The following NCOA1 variants were observed in gnomAD, a reference collection of about 807,000 sequenced individuals.
NCOA1 encodes nuclear receptor coactivator 1, also known as Hin-2 protein.
NCOA1 carries 35 observed loss-of-function variants against 150.9 expected under a neutral mutation model. That is an observed-to-expected ratio of 0.23 (90% CI 0.18 to 0.31). The LOEUF (loss-of-function observed/expected upper bound fraction) is 0.31. NCOA1 is among the 10% of genes least tolerant of loss of function. The pLI, the probability that NCOA1 is intolerant of heterozygous loss-of-function variation, is 1.00. For missense variants in NCOA1, 1,491 were observed against 1,749.3 expected, an observed-to-expected ratio of 0.85 and a Z score of 2.63; for synonymous variants, 590 against 630.0, an observed-to-expected ratio of 0.94 and a Z score of 0.95.
chr2:24,699,884 C>T (rs1451013683), intron 11 of NCOA1, among the ~76,000 whole-genome samples: 1 of 152,192 alleles, frequency 6.6e-6, no homozygotes, highest in African/African-American at 2.4e-5. Context: ...GTGGCTCATG[C>T]CTGTAATCCC....
chr2:24,653,684 G>A lies in NCOA1; in HGVS notation c.-17-4977G>A, dbSNP rs552336496. 2.0e-5 allele frequency among the ~76,000 whole-genome samples: 3 copies of A among 152,190 alleles called. No homozygotes were observed. In the East Asian group the frequency reaches 5.8e-4, roughly 29 times the overall value. On this transcript the variant is annotated intron_variant, in intron 4 of 22. Transcript: ENST00000348332. ...AAATAATTGTAACTTATAGCACATTGTAATAAAAAAACATAGGCCCAGGAT... is the reference window on the plus strand; with the variant it reads ...AAATAATTGTAACTTATAGCACATTATAATAAAAAAACATAGGCCCAGGAT...
At chr2:24,747,164 A>AT (rs1663968596) in intron 19 of NCOA1, among the ~76,000 whole-genome samples, 1 of 152,136 alleles carries the variant, frequency 6.6e-6, no homozygotes, top group Non-Finnish European at 1.5e-5. Flanking sequence ...GTTCATTCCA[A>AT]TATGAACAGT....
intron 3 of NCOA1, among the ~76,000 whole-genome samples, chr2:24,621,158 G>A (rs1669134442): frequency 6.6e-6 from 1 of 151,994 alleles, no homozygotes; most frequent in Non-Finnish European, 1.5e-5. Flanking sequence ...GGGGTGGGGA[G>A]GAGTTCCCTT....
At chr2:24,704,729 T>C (rs1673328598) in intron 11 of NCOA1, among the ~76,000 whole-genome samples, 1 of 151,502 alleles carries the variant, frequency 6.6e-6, no homozygotes, top group African/African-American at 2.4e-5. Flanking sequence ...GCCGAGATCG[T>C]GCCACTGCAC....
chr2:24,688,509 T>C lies in NCOA1; in HGVS notation c.533-2972T>C, dbSNP rs555486173. On this transcript the variant is annotated intron_variant, in intron 8 of 22. Transcript: ENST00000348332. ...TGCATTTCTCTAATAATCAGTGATA[T>C]TGAGCTTTTTTTCACATGCTTGTTG... 5.3e-5 allele frequency among the ~76,000 whole-genome samples: 8 copies of C among 152,322 alleles called. No individual in the cohort carries two copies. In the East Asian group the frequency reaches 1.4e-3, roughly 26 times the overall value.
At chr2:24,609,451 TAA>T (rs1206101318) in intron 3 of NCOA1, among the ~76,000 whole-genome samples, 1 of 152,192 alleles carries the variant, frequency 6.6e-6, no homozygotes, top group East Asian at 1.9e-4. Context: ...GCAGGATTTT[TAA>T]AAGTCATTTC....
At chr2:24,678,029 C>G (rs193203381) in intron 7 of NCOA1, among the ~76,000 whole-genome samples, 106 of 152,200 alleles carry the variant, frequency 7.0e-4, no homozygotes, top group African/African-American at 2.4e-3. Flanking sequence ...TCATACTCCC[C>G]CTCCTGCCAC....
intron 15 of NCOA1, among the ~76,000 whole-genome samples, chr2:24,726,995 A>G (rs1020872022): frequency 6.6e-6 from 1 of 151,800 alleles, no homozygotes; most frequent in Non-Finnish European, 1.5e-5. Flanking sequence ...AAAATTTGCC[A>G]GGCGTGGTGG....
chr2:24,597,950 C>A (rs777504993), intron 3 of NCOA1, among the ~76,000 whole-genome samples: 1 of 152,054 alleles, frequency 6.6e-6, no homozygotes, highest in Admixed American at 6.5e-5. Flanking sequence ...CACAACAGGC[C>A]CCGGTGTGTG....
At chr2:24,535,954 T>C (rs1319660144) in intron 1 of NCOA1, among the ~76,000 whole-genome samples, 1 of 152,148 alleles carries the variant, frequency 6.6e-6, no homozygotes, top group Non-Finnish European at 1.5e-5. Flanking sequence ...TCGAGGAGTA[T>C]CTTTATGGTG....
chr2:24,675,026 A>G lies in NCOA1; in HGVS notation c.354+1563A>G, dbSNP rs541001942. Among the ~76,000 whole-genome samples, 154 of 151,680 alleles carry G rather than the reference A, an allele frequency of 1.0e-3. 1 individual carries two copies. Among genetic ancestry groups the G allele is most frequent in the African/African-American group, 3.5e-3 (146 of 41,348 alleles). On this transcript the variant is annotated intron_variant, in intron 7 of 22. Coordinates refer to ENST00000348332, the MANE Select transcript of NCOA1 (RefSeq NM_003743.5). ...GCCCCTTTCACAGTGTTCTTTCTCTACCCCTCTGGTTACTCCTCAGCCTTT... is the reference window on the plus strand; with the variant it reads ...GCCCCTTTCACAGTGTTCTTTCTCTGCCCCTCTGGTTACTCCTCAGCCTTT...
At chr2:24,729,910 A>C in intron 17 of NCOA1, 95 bp downstream of exon 17, 1 of 1,346,138 alleles carries the variant, frequency 7.4e-7, no homozygotes, top group Non-Finnish European at 1.0e-6. Flanking sequence ...CAGTAGTGCT[A>C]TCTCAGCCCA....
intron 3 of NCOA1, among the ~76,000 whole-genome samples, chr2:24,589,151 C>G (rs1442139156): frequency 1.3e-5 from 2 of 152,156 alleles, no homozygotes; most frequent in Non-Finnish European, 2.9e-5. Flanking sequence ...ACACCAAGAC[C>G]CTCAATCTAT....
intron 1 of NCOA1, among the ~76,000 whole-genome samples, chr2:24,532,961 C>T (rs142301415): frequency 0.24 from 36,358 of 151,926 alleles, 4,571 homozygotes; most frequent in East Asian, 0.31. Flanking sequence ...ATATGAACTT[C>T]AAAGTAGTTT....
At chr2:24,591,578 G>A (rs149211575) in intron 3 of NCOA1, among the ~76,000 whole-genome samples, 2 of 152,098 alleles carry the variant, frequency 1.3e-5, no homozygotes, top group East Asian at 1.9e-4. Context: ...TTAGTTTTTG[G>A]TGGGGCTTTT....
intron 1 of NCOA1, among the ~76,000 whole-genome samples, chr2:24,518,878 C>T (rs1664310095): frequency 6.6e-6 from 1 of 152,108 alleles, no homozygotes; most frequent in Non-Finnish European, 1.5e-5. Context: ...AGACTAAATA[C>T]TAAGATGTTA....
At chr2:24,749,129 A>G (rs1211066513) in intron 19 of NCOA1, among the ~76,000 whole-genome samples, 1 of 152,270 alleles carries the variant, frequency 6.6e-6, no homozygotes, top group East Asian at 1.9e-4. Context: ...ACTTTGGGCC[A>G]GTAGAGTAAG....
At chr2:24,642,007 CGTGT>C (rs58991961) in intron 3 of NCOA1, among the ~76,000 whole-genome samples, 58,890 of 144,912 alleles carry the variant, frequency 0.41, 13,925 homozygotes, top group Admixed American at 0.58. Context: ...TTACAGAGGG[CGTGT>C]GTGTGTGTGT....
chr2:24,718,706 C>G (rs1674185387), intron 14 of NCOA1, among the ~76,000 whole-genome samples: 3 of 150,266 alleles, frequency 2.0e-5, no homozygotes, highest in African/African-American at 7.3e-5. Context: ...ATGGTGAAAC[C>G]CCATCTCTAC....
Sources: gnomAD v4.1 joint callset for allele counts (sites outside exome capture counted in the v4.1 genomes callset) on GRCh38, gnomAD v4.1.1 for gene constraint, MANE v1.5 for transcripts, NCBI Gene and HGNC (gene_info 2026-07-23, HGNC 2026-07-21) for gene names.